The following SMAP2 variants were observed in gnomAD, a reference collection of about 807,000 sequenced individuals.
The protein encoded by SMAP2 is stromal membrane-associated protein 2.
Under a neutral mutation model 56.4 loss-of-function variants are expected in SMAP2, and 25 were observed. The observed-to-expected ratio is 0.44, with a 90% confidence interval of 0.32 to 0.62. The LOEUF (loss-of-function observed/expected upper bound fraction) is 0.62. Ranked by LOEUF, SMAP2 falls within the 20% of genes least tolerant of loss-of-function variation. SMAP2 has a pLI of 0.04. For missense variants in SMAP2, 388 were observed against 545.6 expected (o/e 0.71, Z 2.88); for synonymous variants, 157 against 181.7 (o/e 0.86, Z 1.09).
chr1:40,346,640 G>A (rs1644386889), intron 1 of SMAP2, among the ~76,000 whole-genome samples: 1 of 151,882 alleles, frequency 6.6e-6, no homozygotes, highest in Admixed American at 6.6e-5. Context: ...AGAGTGCTGG[G>A]ATTACAGGCA....
Position 40,411,809 on chromosome 1 carries a change from G to A in SMAP2, c.403-1207G>A, listed in dbSNP as rs184077361. On this transcript the variant is annotated intron_variant, in intron 4 of 9. Coordinates refer to ENST00000372718, the MANE Select transcript of SMAP2 (RefSeq NM_022733.3). Reference sequence around the variant, plus strand: ...CTTTGTATGAGAAAAACAGCTGCATGTATTGATTATAAAATTATTTTAGAG... The same window carrying A: ...CTTTGTATGAGAAAAACAGCTGCATATATTGATTATAAAATTATTTTAGAG... Among the ~76,000 whole-genome samples, 764 of 152,190 alleles carry A rather than the reference G, an allele frequency of 5.0e-3. 4 individuals are homozygous for A. The highest frequency in any genetic ancestry group is 8.6e-3 in the Non-Finnish European group (585 of 67,992).
intron 1 of SMAP2, chr1:40,393,384 G>A (rs748711417): frequency 3.7e-5 from 57 of 1,535,412 alleles, no homozygotes; most frequent in East Asian, 4.9e-5. Flanking sequence ...GCAGAGCGCC[G>A]TGGGAGTTGG....
At position 40,382,091 on chromosome 1, in the gene SMAP2, CT is replaced by C. The variant is rs535364673; in HGVS notation, c.103+7876del. On this transcript the variant is annotated intron_variant, in intron 1 of 9. Coordinates refer to ENST00000372718, the MANE Select transcript of SMAP2 (RefSeq NM_022733.3). ...TCAGTATATATACTTTTCAGCAAAT[CT>C]TTTTTTTCTAGATAAATTGGAAAAC... 1.2e-4 allele frequency among the ~76,000 whole-genome samples: 18 copies of C among 152,092 alleles called. No individual in the cohort carries two copies. The South Asian group carries it at 3.7e-3, about 32-fold the overall frequency.
chr1:40,354,473 G>A (rs1367098950), intron 1 of SMAP2, among the ~76,000 whole-genome samples: 1 of 151,680 alleles, frequency 6.6e-6, no homozygotes, highest in African/African-American at 2.4e-5. Context: ...CGAGTAGCTG[G>A]GACTACAGGC....
intron 1 of SMAP2, among the ~76,000 whole-genome samples, chr1:40,356,315 ATACT>A (rs780925473): frequency 2.1e-4 from 32 of 152,026 alleles, no homozygotes; most frequent in Non-Finnish European, 4.4e-4. Flanking sequence ...TCCCCTCGAT[ATACT>A]GATTTCCTTT....
At chr1:40,395,682 A>G (rs1407186931) in intron 1 of SMAP2, among the ~76,000 whole-genome samples, 1 of 152,206 alleles carries the variant, frequency 6.6e-6, no homozygotes, top group East Asian at 1.9e-4. Flanking sequence ...GTCTAAAGTC[A>G]CACAGGAAAT....
intron 1 of SMAP2, among the ~76,000 whole-genome samples, chr1:40,391,458 G>C (rs1229125569): frequency 3.3e-5 from 5 of 152,166 alleles, no homozygotes; most frequent in African/African-American, 1.2e-4. Flanking sequence ...CCTGCTATTA[G>C]CCTTGGTCAG....
Position 40,408,600 on chromosome 1 carries a change from T to C in SMAP2, c.238-53T>C. On this transcript the variant is annotated intron_variant, in intron 2 of 9. Coordinates refer to ENST00000372718, the MANE Select transcript of SMAP2 (RefSeq NM_022733.3). This position sits in a 1 kb window ranked among gnomAD's most constrained non-coding sequence, Gnocchi z 4.3. ...GTAGTGGAATTGGGTGAGAAGTTTTTCAGTTCTTTCTTGATCTGACGTTCC... is the reference window on the plus strand; with the variant it reads ...GTAGTGGAATTGGGTGAGAAGTTTTCCAGTTCTTTCTTGATCTGACGTTCC... The C allele has an allele frequency of 1.3e-6, 2 of 1,509,590 alleles. No individual in the cohort carries two copies. Among genetic ancestry groups the C allele is most frequent in the Non-Finnish European group, 1.8e-6 (2 of 1,086,584 alleles). The allele number at this position is 1,509,590 out of a possible 1,614,324, so 93.5% of individuals were successfully genotyped here. A position where few individuals can be genotyped will look rare whatever the true frequency, so the allele number is the denominator to read the frequency against.
At chr1:40,420,993 T>C (rs1444436872) in intron 9 of SMAP2, among the ~76,000 whole-genome samples, 4 of 152,030 alleles carry the variant, frequency 2.6e-5, no homozygotes, top group South Asian at 4.2e-4. Flanking sequence ...TTCATTCTTA[T>C]GAGGTGCCTC....
At chr1:40,378,462 G>GATTT (rs1228384188) in intron 1 of SMAP2, among the ~76,000 whole-genome samples, 2 of 152,084 alleles carry the variant, frequency 1.3e-5, no homozygotes, top group African/African-American at 4.8e-5. Context: ...GATGGGCAAA[G>GATTT]ATTTATTTAT....
intron 1 of SMAP2, among the ~76,000 whole-genome samples, chr1:40,356,151 C>T (rs1467137170): frequency 6.6e-6 from 1 of 152,164 alleles, no homozygotes; most frequent in Non-Finnish European, 1.5e-5. Flanking sequence ...TTGTTGCAAA[C>T]TAGAGGATCT....
At chr1:40,403,335 G>A (rs1037508318) in intron 1 of SMAP2, among the ~76,000 whole-genome samples, 4 of 152,058 alleles carry the variant, frequency 2.6e-5, no homozygotes, top group Non-Finnish European at 5.9e-5. Flanking sequence ...GCGAAACCCC[G>A]TCTCTACTAA....
Position 40,409,831 on chromosome 1 carries a change from T to C in SMAP2, c.398T>C (p.Phe133Ser). ...GACCGAAGTCTGGACATCAATGCCT[T>C]TAGGGTTGGTTATACATCTTTCAAG... is the stretch of plus-strand genomic sequence containing the variant. ...YMDRSLDINA[F>S]RKEKDDKWKR... The change falls in exon 4 of 10, where the codon TTT becomes TCT. Residue 133 changes from phenylalanine (F) to serine (S), a missense_variant. Physicochemically the swap from Phe to Ser is radical, Grantham distance 155. Coordinates refer to ENST00000372718, the MANE Select transcript of SMAP2 (RefSeq NM_022733.3). 6.2e-7 allele frequency: 1 copy of C among 1,602,332 alleles called. No homozygotes were observed. Among genetic ancestry groups the C allele is most frequent in the African/African-American group, 1.3e-5 (1 of 74,796 alleles).
At chr1:40,416,127 A>T in intron 7 of SMAP2, 49 bp from the exon 8 acceptor site, 1 of 1,553,312 alleles carries the variant, frequency 6.4e-7, no homozygotes, top group African/African-American at 1.4e-5. Context: ...CCTTAAAGAG[A>T]CCCCCATGAG....
chr1:40,349,493 C>T (rs372417140), intron 1 of SMAP2, among the ~76,000 whole-genome samples: 21 of 152,094 alleles, frequency 1.4e-4, no homozygotes, highest in African/African-American at 4.8e-4. Context: ...ACAGCTGGTA[C>T]GAAATTATTT....
Position 40,415,362 on chromosome 1 carries a change from C to G in SMAP2, c.662C>G (p.Ser221Cys). The G allele has an allele frequency of 6.2e-7, 1 of 1,612,178 alleles. No homozygotes were observed. The highest frequency in any genetic ancestry group is 8.5e-7 in the Non-Finnish European group (1 of 1,178,272). ...LDLLASVPSP[S>C]SSGSRKVVGS... ...CTGTTGGCCTCTGTTCCATCCCCTTCTTCTTCCGGTTCCAGAAAGGTGAGT... is the reference window on the plus strand; with the variant it reads ...CTGTTGGCCTCTGTTCCATCCCCTTGTTCTTCCGGTTCCAGAAAGGTGAGT... Residue 221 changes from serine (S) to cysteine (C), a missense_variant, in exon 7 of 10, where the codon TCT becomes TGT. Ser to Cys is a moderately radical substitution (Grantham distance 112). Transcript: ENST00000372718.
intron 1 of SMAP2, among the ~76,000 whole-genome samples, chr1:40,397,867 G>C (rs1228535185): frequency 6.6e-6 from 1 of 152,148 alleles, no homozygotes; most frequent in Admixed American, 6.5e-5. Context: ...GGGAATGAGG[G>C]AGAAAGCCAT....
intron 1 of SMAP2, among the ~76,000 whole-genome samples, chr1:40,379,631 C>T (rs1407389646): frequency 6.7e-6 from 1 of 148,176 alleles, no homozygotes; most frequent in African/African-American, 2.5e-5. Flanking sequence ...ACTGCAAACT[C>T]CCCCTCCCGG....
At position 40,373,920 on chromosome 1, in the gene SMAP2, C is replaced by T. The variant is rs1402084021; in HGVS notation, c.-201C>T. 4 of 533,656 alleles carry T rather than the reference C, an allele frequency of 7.5e-6. No homozygotes were observed. Among genetic ancestry groups the T allele is most frequent in the Non-Finnish European group, 1.3e-5 (4 of 298,322 alleles). The allele number at this position is 533,656 out of a possible 1,614,324, so 33.1% of individuals were successfully genotyped here. A position where few individuals can be genotyped will look rare whatever the true frequency, so the allele number is the denominator to read the frequency against. On this transcript the variant is annotated 5_prime_UTR_variant, in exon 1 of 10. Transcript: ENST00000372718. ...GCCTGTCCCTAAGCCCGCCAAGGGG[C>T]GCCGCGCCGAGGGGCTGCGGAGTGG...
Sources: gnomAD v4.1 joint callset for allele counts (sites outside exome capture counted in the v4.1 genomes callset) on GRCh38, gnomAD v4.1.1 for gene constraint, Gnocchi (gnomAD v3.1) non-coding constraint, MANE v1.5 for transcripts, NCBI Gene and HGNC (gene_info 2026-07-23, HGNC 2026-07-21) for gene names.